PPM1H: variants seen among roughly 807,000 people sequenced by gnomAD.
PPM1H encodes the protein protein phosphatase 1H.
In PPM1H, 27 loss-of-function variants were observed where a neutral mutation model predicts 54.9. The observed-to-expected ratio is 0.49, with a 90% CI of 0.36 to 0.68. The LOEUF (loss-of-function observed/expected upper bound fraction) is 0.68. PPM1H is among the 30% of genes least tolerant of loss of function. PPM1H has a pLI of 0.00. For missense variants in PPM1H, 596 were observed against 667.8 expected (o/e 0.89, Z 1.19); for synonymous variants, 305 against 270.8 (o/e 1.13, Z -1.24).
chr12:62,795,457 A>ATATATATT (rs1555197046), intron 3 of PPM1H, among the ~76,000 whole-genome samples: 5 of 151,620 alleles, frequency 3.3e-5, no homozygotes, highest in African/African-American at 1.2e-4. Flanking sequence ...ATATATATAT[A>ATATATATT]TTTTTGAGAC....
In PPM1H at chr12:62,802,059, C is replaced by A; in HGVS notation, c.513G>T (p.Thr171=). The part of the protein sequence containing the change: ...VASRLLQHHI[T]EQLQDIVDIL... ...TGTCCACGATGTCCTGCAGCTGCTC[C>A]GTGATGTGGTGCTGCAGCAGGCGTG... The change falls in exon 3 of 10, where the codon ACG becomes ACT. Residue 171 remains threonine, a synonymous_variant. Coordinates refer to ENST00000228705, the MANE Select transcript of PPM1H (RefSeq NM_020700.2). The A allele has an allele frequency of 6.2e-7, 1 of 1,613,324 alleles. No individual in the cohort carries two copies. The highest frequency in any genetic ancestry group is 8.5e-7 in the Non-Finnish European group (1 of 1,179,748).
At chr12:62,755,062 G>C (rs2076463689) in intron 4 of PPM1H, among the ~76,000 whole-genome samples, 1 of 152,216 alleles carries the variant, frequency 6.6e-6, no homozygotes. Context: ...TGGATGATGA[G>C]AGGCTCAAGC....
chr12:62,870,143 A>G (rs557955079), intron 1 of PPM1H, among the ~76,000 whole-genome samples: 7 of 152,322 alleles, frequency 4.6e-5, no homozygotes, highest in African/African-American at 1.7e-4. Flanking sequence ...AATAAACTCT[A>G]TGACAAAAAT....
At chr12:62,701,125 T>G (rs1272102776) in intron 6 of PPM1H, among the ~76,000 whole-genome samples, 1 of 152,244 alleles carries the variant, frequency 6.6e-6, no homozygotes, top group African/African-American at 2.4e-5. Flanking sequence ...GCAAGCAAAT[T>G]AATACTACCT....
Position 62,817,467 on chromosome 12 carries a change from A to C in PPM1H, c.411+14647T>G, listed in dbSNP as rs112941131. Among the ~76,000 whole-genome samples, 1,450 of 151,348 alleles carry C rather than the reference A, an allele frequency of 9.6e-3. 27 individuals carry two copies. Among genetic ancestry groups the C allele is most frequent in the African/African-American group, 0.03 (1,216 of 41,062 alleles). ...ACAGAGAGAGACCCTGTCTCAAAAA[A>C]AAACAAACAAACAAACAAAAAAAAA... On this transcript the variant is annotated intron_variant, in intron 2 of 9. Coordinates refer to ENST00000228705, the MANE Select transcript of PPM1H (RefSeq NM_020700.2).
chr12:62,698,305 T>C (rs959785084), intron 6 of PPM1H, among the ~76,000 whole-genome samples: 3 of 152,200 alleles, frequency 2.0e-5, no homozygotes, highest in Non-Finnish European at 4.4e-5. Flanking sequence ...GCCCATTCCA[T>C]TGGAGAACAG....
intron 1 of PPM1H, among the ~76,000 whole-genome samples, chr12:62,896,116 G>A (rs1169711517): frequency 6.6e-6 from 1 of 152,156 alleles, no homozygotes; most frequent in East Asian, 1.9e-4. Flanking sequence ...AGCTTATTCA[G>A]ATGATGTGAA....
At chr12:62,770,264 C>A (rs910585150) in intron 4 of PPM1H, among the ~76,000 whole-genome samples, 12 of 152,044 alleles carry the variant, frequency 7.9e-5, no homozygotes, top group South Asian at 2.1e-4. Context: ...ATCATTTAAT[C>A]CTTCTACTAA....
chr12:62,732,855 T>C (rs1423782208), intron 5 of PPM1H, among the ~76,000 whole-genome samples: 2 of 152,140 alleles, frequency 1.3e-5, no homozygotes, highest in Non-Finnish European at 2.9e-5. Flanking sequence ...TAAAATTTGA[T>C]TTACCCTAAG....
intron 3 of PPM1H, among the ~76,000 whole-genome samples, chr12:62,798,034 A>G (rs2076746209): frequency 6.6e-6 from 1 of 152,176 alleles, no homozygotes. Flanking sequence ...AATAAGGCCA[A>G]CCAGAAAGGT....
At chr12:62,829,093 C>T (rs1252151697) in intron 2 of PPM1H, among the ~76,000 whole-genome samples, 2 of 152,262 alleles carry the variant, frequency 1.3e-5, no homozygotes, top group East Asian at 1.9e-4. Context: ...AAATCCTCCT[C>T]TAGATATATA....
chr12:62,921,305 G>A (rs1871792739), intron 1 of PPM1H, among the ~76,000 whole-genome samples: 1 of 151,990 alleles, frequency 6.6e-6, no homozygotes, highest in Non-Finnish European at 1.5e-5. Context: ...AGATCACAGG[G>A]TAAAGATGCA....
intron 8 of PPM1H, among the ~76,000 whole-genome samples, chr12:62,675,917 C>T (rs76392993): frequency 0.011 from 1,698 of 152,256 alleles, 13 homozygotes; most frequent in Non-Finnish European, 0.016. Context: ...AAGTCAATCC[C>T]GCTGATTGCA....
At chr12:62,846,253 C>G (rs896857048) in intron 1 of PPM1H, among the ~76,000 whole-genome samples, 3 of 152,160 alleles carry the variant, frequency 2.0e-5, no homozygotes, top group African/African-American at 4.8e-5. Context: ...AATCCCAGCA[C>G]TTTGGGAGGC....
intron 6 of PPM1H, among the ~76,000 whole-genome samples, chr12:62,711,961 A>T (rs1395547656): frequency 6.6e-6 from 1 of 152,172 alleles, no homozygotes; most frequent in Non-Finnish European, 1.5e-5. Flanking sequence ...GGAGTCATTC[A>T]TCACTGTCAG....
intron 1 of PPM1H, among the ~76,000 whole-genome samples, chr12:62,888,674 T>C (rs775232241): frequency 3.9e-4 from 60 of 152,120 alleles, no homozygotes; most frequent in Non-Finnish European, 6.9e-4. Context: ...CTGGTGACAT[T>C]ATAAAAAACA....
At chr12:62,679,751 C>A (rs991012050) in intron 8 of PPM1H, among the ~76,000 whole-genome samples, 1 of 152,124 alleles carries the variant, frequency 6.6e-6, no homozygotes. Flanking sequence ...CTACATTTTC[C>A]GGCAACAATC....
At chr12:62,884,721 C>T (rs565781287) in intron 1 of PPM1H, among the ~76,000 whole-genome samples, 1 of 152,070 alleles carries the variant, frequency 6.6e-6, no homozygotes, top group East Asian at 1.9e-4. Flanking sequence ...TACTAGGTAA[C>T]AATTTACACA....
chr12:62,917,311 G>C lies in PPM1H; in HGVS notation c.245+17181C>G, dbSNP rs75762593. ...TCTGACAGCCATGTAGATGTCCTCA[G>C]GTCACCCACCTACAGACAACTTGGG... On this transcript the variant is annotated intron_variant, in intron 1 of 9. Transcript: ENST00000228705. Among the ~76,000 whole-genome samples, 982 of 152,334 alleles carry C rather than the reference G, an allele frequency of 6.4e-3. 13 individuals are homozygous for C. Among genetic ancestry groups the C allele is most frequent in the East Asian group, 0.044 (226 of 5,186 alleles).
Sources: allele counts gnomAD v4.1 joint callset (sites outside exome capture counted in the v4.1 genomes callset), GRCh38; gene constraint gnomAD v4.1.1; transcripts MANE v1.5; gene names NCBI Gene and HGNC (gene_info 2026-07-23, HGNC 2026-07-21).